The following TADA3 variants were observed in gnomAD, a reference collection of about 807,000 sequenced individuals.
The protein encoded by TADA3 is transcriptional adapter 3.
Under a neutral mutation model 43.2 loss-of-function variants are expected in TADA3, and 25 were observed. The observed-to-expected ratio is 0.58, with a 90% CI of 0.42 to 0.81. TADA3 has a LOEUF of 0.81. Among genes scored for constraint, TADA3 ranks in the 30% least tolerant of loss-of-function variants. TADA3 has a pLI of 0.00. For synonymous variants in TADA3, 235 were observed against 225.5 expected (o/e 1.04, Z -0.38); for missense variants, 441 against 567.8 (o/e 0.78, Z 2.27).
At chr3:9,782,841 G>T (rs1456210012) in intron 8 of TADA3, among the ~76,000 whole-genome samples, 1 of 151,812 alleles carries the variant, frequency 6.6e-6, no homozygotes, top group Non-Finnish European at 1.5e-5. Context: ...TCCTGTCAGG[G>T]CTCTATGAAG....
chr3:9,780,108 A>G lies in TADA3; in HGVS notation c.*249T>C. ...AAGAGGGGAAGAGGAAGACCCAGAA[A>G]CGAAGTCCCCTCCAACCCCATCTCG... On this transcript the variant is annotated 3_prime_UTR_variant, in exon 9 of 9. Transcript: ENST00000301964. 1 of 398,148 alleles carries G rather than the reference A, an allele frequency of 2.5e-6. No homozygotes were observed. The highest frequency in any genetic ancestry group is 4.5e-6 in the Non-Finnish European group (1 of 222,842). The allele number at this position is 398,148 out of a possible 1,614,324, so 24.7% of individuals were successfully genotyped here.
chr3:9,792,903 G>A (rs1559723535), upstream of TADA3: 2 of 1,398,724 alleles, frequency 1.4e-6, no homozygotes, highest in East Asian at 5.7e-5. Flanking sequence ...AGCTTAAATA[G>A]TGACTCGAGT....
chr3:9,792,848 A>G, upstream of TADA3: 2 of 1,366,032 alleles, frequency 1.5e-6, no homozygotes, highest in South Asian at 3.5e-5. Context: ...CAAAGGTGAC[A>G]AGAAGGCCGA....
intron 4 of TADA3, among the ~76,000 whole-genome samples, chr3:9,789,305 T>C (rs1227873411): frequency 1.3e-5 from 2 of 152,078 alleles, no homozygotes; most frequent in Admixed American, 6.6e-5. Context: ...TGAGGGCGTG[T>C]TGACATTTGG....
intron 4 of TADA3, chr3:9,788,250 C>T (rs911353149): frequency 2.6e-5 from 4 of 154,030 alleles, no homozygotes; most frequent in Admixed American, 2.5e-4. Flanking sequence ...AGTTTTATAT[C>T]TTCTTTTTTT....
chr3:9,789,755 G>C lies in TADA3; in HGVS notation c.416C>G (p.Pro139Arg). 6.2e-7 allele frequency: 1 copy of C among 1,614,192 alleles called. No individual in the cohort carries two copies. The highest frequency in any genetic ancestry group is 8.5e-7 in the Non-Finnish European group (1 of 1,180,026). Residue 139 changes from proline to arginine, a missense_variant, in exon 3 of 9, where the codon CCT becomes CGT. By Grantham distance (103) the Pro-to-Arg change is moderately radical. Coordinates refer to ENST00000301964, the MANE Select transcript of TADA3 (RefSeq NM_006354.5). ...TTTGGGGATCCGTGGCACGTCGATA[G>C]GGTCATCAGTGAATTCATATTCCTG... ...KIQEYEFTDDPIDVPRIPKND... is the reference protein window; with the variant it reads ...KIQEYEFTDDRIDVPRIPKND...
Position 9,780,363 on chromosome 3 carries a change from A to G in TADA3, c.1293T>C (p.Asp431=), listed in dbSNP as rs1327023728. ...CCTGAGGCAGGGGTGAGGGCTACCC[A>G]TCCAGCAGCTTCAGGATGCTCTCAC... is the stretch of plus-strand genomic sequence containing the variant. ...KERESILKLL[D]G Residue 431 remains aspartate, a synonymous_variant, in exon 9 of 9, where the codon GAT becomes GAC. Coordinates refer to ENST00000301964, the MANE Select transcript of TADA3 (RefSeq NM_006354.5). 2 of 1,612,052 alleles carry G rather than the reference A, an allele frequency of 1.2e-6. No homozygotes were observed. Among genetic ancestry groups the G allele is most frequent in the Admixed American group, 1.7e-5 (1 of 59,716 alleles).
chr3:9,783,949 TA>T, intron 8 of TADA3, 78 bp downstream of exon 8: 4 of 1,485,032 alleles, frequency 2.7e-6, no homozygotes, highest in Non-Finnish European at 2.7e-6. Context: ...AAGCCTGTTG[TA>T]AAACCCCTGA....
intron 7 of TADA3, among the ~76,000 whole-genome samples, chr3:9,784,428 A>C (rs2078556243): frequency 6.6e-6 from 1 of 151,804 alleles, no homozygotes; most frequent in African/African-American, 2.4e-5. Context: ...ATATGGAAAA[A>C]CCCATAATGC....
At chr3:9,792,623 G>A (rs1247841728), upstream of TADA3, 44 of 1,231,210 alleles carry the variant, frequency 3.6e-5, no homozygotes, top group Admixed American at 4.2e-5. Context: ...CGAGCCCCGG[G>A]GCACAGCCCG....
intron 2 of TADA3, among the ~76,000 whole-genome samples, chr3:9,790,820 T>A (rs762852187): frequency 2.6e-5 from 4 of 152,202 alleles, no homozygotes; most frequent in Non-Finnish European, 2.9e-5. Context: ...CAAAGTCACA[T>A]AGCTAGGAAA....
At chr3:9,787,425 T>C in intron 4 of TADA3, 85 bp from the exon 5 acceptor site, 1 of 1,508,702 alleles carries the variant, frequency 6.6e-7, no homozygotes, top group Non-Finnish European at 8.9e-7. Context: ...CTATCTTATA[T>C]CTCTCTCAAG....
At position 9,791,443 on chromosome 3, in the gene TADA3, G is replaced by A; in HGVS notation, c.24C>T (p.Pro8=). The change falls in exon 2 of 9, where the codon CCC becomes CCT. Residue 8 remains proline (P), a synonymous_variant. Transcript: ENST00000301964. The stretch of plus-strand genomic sequence containing the variant: ...CAGACTTGAAGTCGTGGAACTGCAA[G>A]GGGCAGTCTTTCAACTCACTCATGG... MSELKDC[P]LQFHDFKSVD... The A allele has an allele frequency of 6.2e-7, 1 of 1,612,980 alleles. No homozygotes were observed. The highest frequency in any genetic ancestry group is 8.5e-7 in the Non-Finnish European group (1 of 1,179,146).
chr3:9,789,112 A>G (rs1218216951), intron 4 of TADA3, among the ~76,000 whole-genome samples: 1 of 152,220 alleles, frequency 6.6e-6, no homozygotes, highest in African/African-American at 2.4e-5. Flanking sequence ...CTAGGATTGC[A>G]GGCATAAGCC....
chr3:9,791,529 G>T, intron 1 of TADA3, 36 bp from the exon 2 acceptor site: 2 of 1,379,830 alleles, frequency 1.4e-6, no homozygotes, highest in Non-Finnish European at 9.9e-7. Flanking sequence ...GAGACAAAGT[G>T]GTCTGAGAAA....
chr3:9,792,394 T>C lies in TADA3; in HGVS notation c.-206A>G. The stretch of plus-strand genomic sequence containing the variant: ...TGCGACCCCCGCCCCCTCTACCTCC[T>C]CGCTGCGGCCTCCTACGGCCCCAGG... On this transcript the variant is annotated 5_prime_UTR_variant, in exon 1 of 9. Transcript: ENST00000301964. 1.3e-6 allele frequency: 1 copy of C among 795,898 alleles called. No individual in the cohort carries two copies. The highest frequency in any genetic ancestry group is 1.6e-6 in the Non-Finnish European group (1 of 640,282). 49.3% of individuals were successfully genotyped at this position (795,898 alleles called of 1,614,324 possible).
At chr3:9,783,929 C>T in intron 8 of TADA3, 99 bp downstream of exon 8, 1 of 1,441,190 alleles carries the variant, frequency 6.9e-7, no homozygotes, top group Non-Finnish European at 9.2e-7. Context: ...AGAGGCCAGC[C>T]AGGATTGGAA....
At position 9,784,261 on chromosome 3, in the gene TADA3, G is replaced by C. The variant is rs768801737; in HGVS notation, c.921-48C>G. 3.8e-6 allele frequency: 6 copies of C among 1,574,750 alleles called. 1 individual carries two copies. The South Asian group carries it at 6.9e-5, about 18-fold the overall frequency. On this transcript the variant is annotated intron_variant, in intron 7 of 8. Coordinates refer to ENST00000301964, the MANE Select transcript of TADA3 (RefSeq NM_006354.5). ...CAGACTCAAGAGCCAGCTTGGAGAA[G>C]GGCCCACCTTGGAGGTTCCCAGGGC...
rs2078639257 is a variant in TADA3, at chr3:9,787,342, T to C, written c.565-2A>G. ...GTAGTGCTTCCCCAGGGGTGGGATCTGTGGAAAAGATGGCACCCAACCCTG... is the reference window on the plus strand; with the variant it reads ...GTAGTGCTTCCCCAGGGGTGGGATCCGTGGAAAAGATGGCACCCAACCCTG... On this transcript the variant is annotated splice_acceptor_variant, in intron 4 of 8. Transcript: ENST00000301964. LOFTEE classifies it high-confidence loss of function. 1 of 1,605,574 alleles carries C rather than the reference T, an allele frequency of 6.2e-7. No homozygotes were observed. Among genetic ancestry groups the C allele is most frequent in the Non-Finnish European group, 8.5e-7 (1 of 1,176,448 alleles).
Sources: gnomAD v4.1 joint callset for allele counts (sites outside exome capture counted in the v4.1 genomes callset) on GRCh38, gnomAD v4.1.1 for gene constraint, MANE v1.5 for transcripts, NCBI Gene and HGNC (gene_info 2026-07-23, HGNC 2026-07-21) for gene names.